EDEM3: variants seen among roughly 807,000 people sequenced by gnomAD.
EDEM3 encodes ER degradation-enhancing alpha-mannosidase-like protein 3.
Under a neutral mutation model 110.2 loss-of-function variants are expected in EDEM3, and 60 were observed. The ratio of observed to expected loss-of-function variants is 0.54; its 90% CI spans 0.44 to 0.67. The LOEUF is 0.67. Among genes scored for constraint, EDEM3 ranks in the 30% least tolerant of loss-of-function variants. The pLI is 0.00. For synonymous variants in EDEM3, 352 were observed against 382.9 expected (o/e 0.92, Z 0.94); for missense variants, 996 against 1,121.0 (o/e 0.89, Z 1.59).
At chr1:184,750,184 C>T (rs973876662) in intron 1 of EDEM3, among the ~76,000 whole-genome samples, 1 of 152,100 alleles carries the variant, frequency 6.6e-6, no homozygotes, top group African/African-American at 2.4e-5. Context: ...ATGATGTGCT[C>T]TACTCTAAAA....
intron 19 of EDEM3, among the ~76,000 whole-genome samples, chr1:184,696,454 G>C (rs1649334274): frequency 6.6e-6 from 1 of 151,560 alleles, no homozygotes; most frequent in South Asian, 2.1e-4. Flanking sequence ...TTAACCCGGG[G>C]TGTCCGCTGT....
Position 184,734,662 on chromosome 1 carries a change from G to T in EDEM3, c.346-19C>A. On this transcript the variant is annotated intron_variant, in intron 4 of 19. Transcript: ENST00000318130. The stretch of plus-strand genomic sequence containing the variant: ...TTAAAACCTGGGAGAAGAAAATTAT[G>T]AAATAAAGTTCTTTTCTACCAAGAC... 9.7e-7 allele frequency: 1 copy of T among 1,033,632 alleles called. No individual in the cohort carries two copies. Among genetic ancestry groups the T allele is most frequent in the Non-Finnish European group, 1.4e-6 (1 of 714,682 alleles). The allele number at this position is 1,033,632 out of a possible 1,614,324, so 64.0% of individuals were successfully genotyped here.
At chr1:184,753,233 A>C (rs988018400) in intron 1 of EDEM3, among the ~76,000 whole-genome samples, 5 of 150,760 alleles carry the variant, frequency 3.3e-5, no homozygotes, top group African/African-American at 1.2e-4. Context: ...AAAACATGGG[A>C]TGATACTATA....
chr1:184,699,972 C>A (rs12060621), intron 19 of EDEM3, among the ~76,000 whole-genome samples: 1 of 151,592 alleles, frequency 6.6e-6, no homozygotes. Flanking sequence ...TGTGGGCACA[C>A]GGTTGGAATA....
At chr1:184,714,313 A>C (rs1202504158) in intron 13 of EDEM3, among the ~76,000 whole-genome samples, 1 of 152,266 alleles carries the variant, frequency 6.6e-6, no homozygotes, top group Non-Finnish European at 1.5e-5. Flanking sequence ...AAAAATACAC[A>C]GGCATTAAAA....
At chr1:184,738,272 C>G (rs1244450142) in intron 2 of EDEM3, among the ~76,000 whole-genome samples, 1 of 152,080 alleles carries the variant, frequency 6.6e-6, no homozygotes, top group Non-Finnish European at 1.5e-5. Flanking sequence ...GAAGTAGATT[C>G]AATTATCTCT....
At chr1:184,724,337 T>A (rs1475725793) in intron 7 of EDEM3, among the ~76,000 whole-genome samples, 3 of 152,184 alleles carry the variant, frequency 2.0e-5, no homozygotes, top group Non-Finnish European at 2.9e-5. Flanking sequence ...TCATTTCAGA[T>A]CCTACTTTTT....
In EDEM3 at chr1:184,737,630, C is replaced by A. The variant is rs767212054; in HGVS notation, c.286G>T (p.Val96Phe). The change falls in exon 3 of 20, where the codon GTT becomes TTT. Residue 96 changes from valine to phenylalanine, a missense_variant. This residue lies in a region of EDEM3 where 200 missense variants were observed against 183.8 expected (regional missense o/e 1.09). Transcript: ENST00000318130. ...ACTCACTTTCCCAAGGCATCATCAA[C>A]GTCACCGCGACTTGGCTCTTGGCCT... is the stretch of plus-strand genomic sequence containing the variant. ...VRGQEPSRGD[V>F]DDALGKFSLT... The A allele has an allele frequency of 1.2e-6, 2 of 1,613,882 alleles. No individual in the cohort carries two copies. The highest frequency in any genetic ancestry group is 2.7e-5 in the African/African-American group (2 of 74,928).
rs1649005912 is a variant in EDEM3 at position 184,690,269 on chromosome 1, G to A, written c.*3794C>T. 2 of 152,132 alleles carry A rather than the reference G, an allele frequency of 1.3e-5. No individual in the cohort carries two copies. The highest frequency in any genetic ancestry group is 4.8e-5 in the African/African-American group (2 of 41,402). 9.4% of individuals were successfully genotyped at this position (152,132 alleles called of 1,614,324 possible). A position where few individuals can be genotyped will look rare whatever the true frequency, so the allele number is the denominator to read the frequency against. On this transcript the variant is annotated 3_prime_UTR_variant, in exon 20 of 20. Transcript: ENST00000318130. ...ACAATTCTAGAGTTTTATTCACTTA[G>A]CATTACCTTTGTGCATGCTACTGAC... is the stretch of plus-strand genomic sequence containing the variant.
intron 12 of EDEM3, among the ~76,000 whole-genome samples, chr1:184,717,276 G>A (rs1452565659): frequency 6.6e-6 from 1 of 151,930 alleles, no homozygotes; most frequent in Admixed American, 6.6e-5. Flanking sequence ...AAAGGCAAGA[G>A]ACATGCTTTA....
intron 19 of EDEM3, among the ~76,000 whole-genome samples, chr1:184,696,741 G>T (rs908429123): frequency 2.6e-5 from 4 of 151,920 alleles, no homozygotes; most frequent in Admixed American, 1.3e-4. Flanking sequence ...TTTATCCTAG[G>T]TTCCCTAAAT....
chr1:184,704,649 CAAAAAAAA>C (rs58913815), intron 18 of EDEM3, among the ~76,000 whole-genome samples: 2,559 of 29,784 alleles, frequency 0.086, 82 homozygotes, highest in African/African-American at 0.21. Flanking sequence ...GACTCTGTCT[CAAAAAAAA>C]AAAAAAAAAA....
intron 6 of EDEM3, among the ~76,000 whole-genome samples, chr1:184,730,743 T>C (rs1029227549): frequency 1.3e-5 from 2 of 152,144 alleles, no homozygotes; most frequent in South Asian, 4.1e-4. Context: ...CCCTATATCA[T>C]GCTATATCTC....
intron 2 of EDEM3, among the ~76,000 whole-genome samples, chr1:184,739,306 AT>A (rs1406714528): frequency 1.3e-5 from 2 of 149,034 alleles, no homozygotes; most frequent in South Asian, 2.1e-4. Flanking sequence ...TAAAATAACT[AT>A]TTTATCATTA....
rs751462656 is a variant in EDEM3, at chr1:184,706,756, G to A, written c.2090C>T (p.Thr697Ile). Residue 697 changes from threonine (T) to isoleucine (I), a missense_variant, in exon 18 of 20, where the codon ACT becomes ATT. Physicochemically the swap from Thr to Ile is moderately conservative, Grantham distance 89. This residue lies in a region of EDEM3 where 345 missense variants were observed against 402.0 expected (regional missense o/e 0.86). Coordinates refer to ENST00000318130, the MANE Select transcript of EDEM3 (RefSeq NM_025191.4). ...SKPSNGCSEL[T>I]NPEAVMGKIA... ...TTTTCCCATCACTGCCTCTGGGTTA[G>A]TAAGCTCTGAACAACCATTGGATGG... 1 of 1,613,776 alleles carries A rather than the reference G, an allele frequency of 6.2e-7. No homozygotes were observed. The highest frequency in any genetic ancestry group is 8.5e-7 in the Non-Finnish European group (1 of 1,179,910).
rs1238544325 is a variant in EDEM3 at position 184,692,338 on chromosome 1, G to C, written c.*1725C>G. ...TCAGGTATAATTAAAAGCCAATAAG[G>C]GTCTTGCATACTATTCTTTTTCCCC... On this transcript the variant is annotated 3_prime_UTR_variant, in exon 20 of 20. Transcript: ENST00000318130. 2 of 151,840 alleles carry C rather than the reference G, an allele frequency of 1.3e-5. No individual in the cohort carries two copies. Among genetic ancestry groups the C allele is most frequent in the African/African-American group, 4.8e-5 (2 of 41,326 alleles). The allele number at this position is 151,840 out of a possible 1,614,324, so 9.4% of individuals were successfully genotyped here.
At chr1:184,721,030 T>C (rs1278793823) in intron 9 of EDEM3, 4 of 325,384 alleles carry the variant, frequency 1.2e-5, no homozygotes, top group African/African-American at 8.8e-5. Flanking sequence ...TAGGTAAAAC[T>C]CAAATCTATT....
At chr1:184,748,829 G>C (rs527254020) in intron 2 of EDEM3, among the ~76,000 whole-genome samples, 1 of 152,174 alleles carries the variant, frequency 6.6e-6, no homozygotes, top group Non-Finnish European at 1.5e-5. Flanking sequence ...CATTTTATAC[G>C]TTGTAATCAT....
In EDEM3 at chr1:184,694,224, A is replaced by C; in HGVS notation, c.2638T>G (p.Cys880Gly). 6.2e-7 allele frequency: 1 copy of C among 1,613,442 alleles called. No individual in the cohort carries two copies. The highest frequency in any genetic ancestry group is 8.5e-7 in the Non-Finnish European group (1 of 1,179,634). The change falls in exon 20 of 20, where the codon TGT becomes GGT. Residue 880 changes from cysteine (C) to glycine (G), a missense_variant. Physicochemically the swap from Cys to Gly is radical, Grantham distance 159. Around this residue, in one of 5 missense-constraint regions of EDEM3, gnomAD observed 345 missense variants for 402.0 expected, o/e 0.86. Coordinates refer to ENST00000318130, the MANE Select transcript of EDEM3 (RefSeq NM_025191.4). Reference protein sequence around the residue: ...NHETTNLNGECTDLDNQLQEQ... With the variant: ...NHETTNLNGEGTDLDNQLQEQ... ...TGAAGCTGGTTATCTAAATCTGTAC[A>C]TTCACCATTAAGATTTGTAGTCTCA...
Sources: allele counts gnomAD v4.1 joint callset (sites outside exome capture counted in the v4.1 genomes callset), GRCh38; gene constraint gnomAD v4.1.1; regional missense constraint gnomAD v4.1.1; transcripts MANE v1.5; gene names NCBI Gene and HGNC (gene_info 2026-07-23, HGNC 2026-07-21).